The following GRID1 variants were observed in gnomAD, a reference collection of about 807,000 sequenced individuals.
GRID1 encodes glutamate ionotropic receptor delta type subunit 1.
Under a neutral mutation model 98.0 loss-of-function variants are expected in GRID1, and 28 were observed. That is an observed-to-expected ratio of 0.29 (90% CI 0.21 to 0.39). The LOEUF is 0.39. Ranked by LOEUF, GRID1 falls within the 10% of genes least tolerant of loss-of-function variation. The pLI, the probability that GRID1 is intolerant of heterozygous loss-of-function variation, is 1.00. For missense variants in GRID1, 1,111 were observed against 1,340.5 expected (o/e 0.83, Z 2.67); for synonymous variants, 553 against 538.5 (o/e 1.03, Z -0.37).
intron 8 of GRID1, among the ~76,000 whole-genome samples, chr10:85,825,384 T>G (rs1590250239): frequency 1.2e-5 from 1 of 81,372 alleles, no homozygotes; most frequent in Non-Finnish European, 2.6e-5. Context: ...GATGGGATTG[T>G]TTTTTTTTTT....
At chr10:85,708,488 G>C (rs11201743) in intron 12 of GRID1, among the ~76,000 whole-genome samples, 9,146 of 151,852 alleles carry the variant, frequency 0.06, 529 homozygotes, top group African/African-American at 0.15. Context: ...AAAGCACAAT[G>C]ATTCAAATAT....
chr10:85,654,219 C>T (rs1017142033), intron 12 of GRID1, among the ~76,000 whole-genome samples: 10 of 152,114 alleles, frequency 6.6e-5, no homozygotes, highest in African/African-American at 2.4e-4. Flanking sequence ...CCCTCCATGG[C>T]GTTTTCTCTC....
intron 13 of GRID1, among the ~76,000 whole-genome samples, chr10:85,622,310 G>A (rs1238280982): frequency 6.6e-6 from 1 of 151,360 alleles, no homozygotes. Flanking sequence ...AAGTCCGGAG[G>A]AGACAGTAGG....
chr10:85,700,090 A>C (rs1841434791), intron 12 of GRID1, among the ~76,000 whole-genome samples: 1 of 152,160 alleles, frequency 6.6e-6, no homozygotes, highest in Non-Finnish European at 1.5e-5. Context: ...CAGGACTCCA[A>C]ATCTCAGAGC....
intron 2 of GRID1, among the ~76,000 whole-genome samples, chr10:86,231,951 G>C (rs576870152): frequency 6.1e-4 from 93 of 152,268 alleles, no homozygotes; most frequent in African/African-American, 2.1e-3. Context: ...GTGAGGGATG[G>C]GGTGAGGGTT....
chr10:86,179,637 G>A (rs975400659), intron 3 of GRID1, among the ~76,000 whole-genome samples: 3 of 152,250 alleles, frequency 2.0e-5, no homozygotes, highest in Middle Eastern at 3.4e-3. Flanking sequence ...AACTGGCCAC[G>A]GGACAGTGTC....
rs1311080846 is a variant in GRID1 at position 86,366,097 on chromosome 10, C to A, written c.79+217G>T. Among the ~76,000 whole-genome samples, 1 of 151,952 alleles carries A rather than the reference C, an allele frequency of 6.6e-6. No homozygotes were observed. Among genetic ancestry groups the A allele is most frequent in the Non-Finnish European group, 1.5e-5 (1 of 67,962 alleles). ...AGTGTCGGTAGAGGCCGCGGGGCCC[C>A]GCGCGGAGATCGGAGCCCCGGGGAG... On this transcript the variant is annotated intron_variant, in intron 1 of 15. Transcript: ENST00000327946. This position sits in a 1 kb window ranked among gnomAD's most constrained non-coding sequence, Gnocchi z 4.1.
chr10:85,908,513 T>C (rs1036210578), intron 5 of GRID1, among the ~76,000 whole-genome samples: 1 of 152,154 alleles, frequency 6.6e-6, no homozygotes, highest in East Asian at 1.9e-4. Context: ...CTGTAAAAGA[T>C]AAAACATTGA....
At chr10:85,699,210 A>G (rs1425538369) in intron 12 of GRID1, among the ~76,000 whole-genome samples, 1 of 151,900 alleles carries the variant, frequency 6.6e-6, no homozygotes, top group Non-Finnish European at 1.5e-5. Flanking sequence ...GCACCACCAC[A>G]CCTGGCTAAT....
chr10:86,119,037 A>G (rs1004319943), intron 4 of GRID1, among the ~76,000 whole-genome samples: 1 of 152,180 alleles, frequency 6.6e-6, no homozygotes, highest in Non-Finnish European at 1.5e-5. Context: ...GACATTCAGT[A>G]AAAACTAAGA....
At position 85,758,462 on chromosome 10, in the gene GRID1, G is replaced by C. The variant is rs186662784; in HGVS notation, c.1234-28848C>G. 6.6e-5 allele frequency among the ~76,000 whole-genome samples: 10 copies of C among 152,248 alleles called. No individual in the cohort carries two copies. The East Asian group carries it at 1.9e-3, about 29-fold the overall frequency. On this transcript the variant is annotated intron_variant, in intron 8 of 15. Transcript: ENST00000327946. ...AGCTCATCAGAGGGTAATTGTTGAG[G>C]CCTCAGTTTTCCTCCACATAGCTTC...
At chr10:86,186,364 T>C (rs1482049221) in intron 3 of GRID1, among the ~76,000 whole-genome samples, 5 of 152,248 alleles carry the variant, frequency 3.3e-5, no homozygotes, top group African/African-American at 1.2e-4. Context: ...GAAAAACCAC[T>C]TTTTGTTTCA....
intron 4 of GRID1, among the ~76,000 whole-genome samples, chr10:85,950,293 A>C (rs997186218): frequency 2.0e-5 from 3 of 152,158 alleles, no homozygotes; most frequent in African/African-American, 7.2e-5. Context: ...GCTATTCTGG[A>C]GCTAAAGAGA....
chr10:86,263,300 C>G (rs1259793890), intron 2 of GRID1, among the ~76,000 whole-genome samples: 3 of 152,268 alleles, frequency 2.0e-5, no homozygotes, highest in Non-Finnish European at 4.4e-5. Context: ...CTTCGCGCCA[C>G]GGCGCGCAAC....
At chr10:86,126,181 C>A (rs757583953) in intron 4 of GRID1, among the ~76,000 whole-genome samples, 2 of 152,196 alleles carry the variant, frequency 1.3e-5, no homozygotes, top group Admixed American at 1.3e-4. Context: ...CTCGGCCGGG[C>A]GTGGTGGCTC....
intron 12 of GRID1, 106 bp downstream of exon 12, chr10:85,722,897 G>T: frequency 2.5e-6 from 2 of 808,230 alleles, no homozygotes; most frequent in Non-Finnish European, 3.5e-6. Flanking sequence ...CCATCAGTTT[G>T]CAGATCAGGG....
chr10:86,249,924 G>A (rs1005782277), intron 2 of GRID1, among the ~76,000 whole-genome samples: 1 of 152,082 alleles, frequency 6.6e-6, no homozygotes, highest in African/African-American at 2.4e-5. Context: ...GTAGATGAAT[G>A]GGTGGGTAGA....
intron 5 of GRID1, among the ~76,000 whole-genome samples, chr10:85,884,945 CT>C (rs984149369): frequency 1.3e-5 from 2 of 151,804 alleles, no homozygotes; most frequent in African/African-American, 4.8e-5. Flanking sequence ...ACATCATATC[CT>C]TTTTACCAGT....
chr10:86,293,668 T>C (rs921068361), intron 2 of GRID1, among the ~76,000 whole-genome samples: 6 of 152,154 alleles, frequency 3.9e-5, no homozygotes, highest in Non-Finnish European at 8.8e-5. Context: ...TCAGGGAACC[T>C]GCATCCACAC....
Sources: allele counts gnomAD v4.1 joint callset (sites outside exome capture counted in the v4.1 genomes callset), GRCh38; gene constraint gnomAD v4.1.1; non-coding constraint Gnocchi (gnomAD v3.1); transcripts MANE v1.5; gene names NCBI Gene and HGNC (gene_info 2026-07-23, HGNC 2026-07-21).